The following YAF2 variants were observed in gnomAD, a reference collection of about 807,000 sequenced individuals.
The protein encoded by YAF2 is YY1 associated factor 2, also known as YY1-associated factor 2.
Under a neutral mutation model 20.1 loss-of-function variants are expected in YAF2, and 7 were observed. The observed-to-expected ratio is 0.35, with a 90% CI of 0.20 to 0.65. YAF2 has a LOEUF of 0.65. Ranked by LOEUF, YAF2 falls within the 30% of genes least tolerant of loss-of-function variation. The pLI is 0.69. For synonymous variants in YAF2, 74 were observed against 76.0 expected, an observed-to-expected ratio of 0.97 and a Z score of 0.14; for missense variants, 151 against 219.2, an observed-to-expected ratio of 0.69 and a Z score of 1.96.
intron 2 of YAF2, among the ~76,000 whole-genome samples, chr12:42,170,978 AG>A (rs1208169418): frequency 6.6e-6 from 1 of 152,102 alleles, no homozygotes; most frequent in African/African-American, 2.4e-5. Context: ...GTAAGTGGTC[AG>A]GAATTGTTTA....
In YAF2 at chr12:42,161,644, T is replaced by G. The variant is rs373217285; in HGVS notation, c.274A>C (p.Thr92Pro). 6.2e-7 allele frequency: 1 copy of G among 1,601,352 alleles called. No individual in the cohort carries two copies. Among genetic ancestry groups the G allele is most frequent in the Non-Finnish European group, 8.5e-7 (1 of 1,175,078 alleles). ...VEKEKSEKETTSKKNSHKKTR... is the reference protein window; with the variant it reads ...VEKEKSEKETPSKKNSHKKTR... ...TTCTTATGGCTATTCTTTTTGCTAGTTGTTTCCTTTTCACTTTTTTCTTTT... is the reference window on the plus strand; with the variant it reads ...TTCTTATGGCTATTCTTTTTGCTAGGTGTTTCCTTTTCACTTTTTTCTTTT... Residue 92 changes from threonine to proline, a missense_variant, in exon 3 of 4, where the codon ACT becomes CCT. Transcript: ENST00000534854.
intron 2 of YAF2, among the ~76,000 whole-genome samples, chr12:42,196,022 G>A (rs1195527269): frequency 6.6e-6 from 1 of 151,856 alleles, no homozygotes; most frequent in Non-Finnish European, 1.5e-5. Context: ...AGGAGTTGGA[G>A]ACCAGCCTGG....
chr12:42,159,446 G>C lies in YAF2; in HGVS notation c.*1143C>G, dbSNP rs1418261726. 6.6e-6 allele frequency: 1 copy of C among 152,054 alleles called. No homozygotes were observed. Among genetic ancestry groups the C allele is most frequent in the African/African-American group, 2.4e-5 (1 of 41,440 alleles). 9.4% of individuals were successfully genotyped at this position (152,054 alleles called of 1,614,324 possible). A position where few individuals can be genotyped will look rare whatever the true frequency, so the allele number is the denominator to read the frequency against. ...TGTAAACAAAAATGCAAAATCTGTAGTCATAAAAATATTTTATTGGTAATT... is the reference window on the plus strand; with the variant it reads ...TGTAAACAAAAATGCAAAATCTGTACTCATAAAAATATTTTATTGGTAATT... On this transcript the variant is annotated 3_prime_UTR_variant, in exon 4 of 4. Coordinates refer to ENST00000534854, the MANE Select transcript of YAF2 (RefSeq NM_005748.6).
At chr12:42,226,374 C>A (rs1179985206) in intron 2 of YAF2, among the ~76,000 whole-genome samples, 1 of 152,142 alleles carries the variant, frequency 6.6e-6, no homozygotes, top group Non-Finnish European at 1.5e-5. Flanking sequence ...TGAAATAATG[C>A]TAAAACATCT....
At chr12:42,232,455 A>G in intron 2 of YAF2, 1 of 985,442 alleles carries the variant, frequency 1.0e-6, no homozygotes, top group South Asian at 4.7e-5. Flanking sequence ...ATCACTTGTA[A>G]AATTTACCCA....
At chr12:42,233,979 T>C in intron 2 of YAF2, 1 of 895,478 alleles carries the variant, frequency 1.1e-6, no homozygotes, top group Non-Finnish European at 1.3e-6. Context: ...GAGACCAGCC[T>C]GGCCAGCATA....
At chr12:42,162,893 T>C (rs751961241) in intron 2 of YAF2, among the ~76,000 whole-genome samples, 5 of 152,088 alleles carry the variant, frequency 3.3e-5, no homozygotes, top group South Asian at 2.1e-4. Context: ...ACTTAAAAAA[T>C]AGGACTGACA....
At chr12:42,168,005 AC>A (rs2065954670) in intron 2 of YAF2, among the ~76,000 whole-genome samples, 1 of 152,178 alleles carries the variant, frequency 6.6e-6, no homozygotes, top group South Asian at 2.1e-4. Context: ...AAATGTATAT[AC>A]TGTAAGTTAT....
chr12:42,165,622 C>G (rs912778249), intron 2 of YAF2, among the ~76,000 whole-genome samples: 1 of 151,724 alleles, frequency 6.6e-6, no homozygotes, highest in Non-Finnish European at 1.5e-5. Flanking sequence ...TGCCACCATG[C>G]CCGGCTAATT....
Position 42,237,723 on chromosome 12 carries a change from G to A in YAF2, c.28C>T (p.Pro10Ser). Residue 10 changes from proline to serine, a missense_variant and splice_region_variant, in exon 2 of 4, where the codon CCG becomes TCG. Physicochemically the swap from Pro to Ser is moderately conservative, Grantham distance 74 (BLOSUM62 -1). Coordinates refer to ENST00000534854, the MANE Select transcript of YAF2 (RefSeq NM_005748.6). ...GAGGACGGCTTCGGCTGCCGCTTCGGCCTGCAGGACACAACCCGGACACGA... is the reference window on the plus strand; with the variant it reads ...GAGGACGGCTTCGGCTGCCGCTTCGACCTGCAGGACACAACCCGGACACGA... MGDKKSPTR[P>S]KRQPKPSSDE... 1 of 1,561,820 alleles carries A rather than the reference G, an allele frequency of 6.4e-7. No individual in the cohort carries two copies. Among genetic ancestry groups the A allele is most frequent in the Non-Finnish European group, 8.6e-7 (1 of 1,156,188 alleles).
At chr12:42,211,427 C>CAAAA (rs34683165) in intron 2 of YAF2, among the ~76,000 whole-genome samples, 4 of 51,642 alleles carry the variant, frequency 7.7e-5, no homozygotes, top group Non-Finnish European at 1.0e-4. Flanking sequence ...ACTCTGTCTC[C>CAAAA]AAAAAAAAAA....
At chr12:42,232,349 A>G in intron 2 of YAF2, 1 of 810,024 alleles carries the variant, frequency 1.2e-6, no homozygotes, top group Non-Finnish European at 1.5e-6. Flanking sequence ...TGAACCTCAT[A>G]GAAAGCTTCA....
At chr12:42,217,302 A>C (rs1231617005) in intron 2 of YAF2, among the ~76,000 whole-genome samples, 3 of 152,162 alleles carry the variant, frequency 2.0e-5, no homozygotes, top group Non-Finnish European at 4.4e-5. Flanking sequence ...TTTAGTTCCC[A>C]TACAGTTTAC....
intron 2 of YAF2, among the ~76,000 whole-genome samples, chr12:42,205,276 G>A (rs925551745): frequency 1.3e-4 from 19 of 151,480 alleles, no homozygotes; most frequent in African/African-American, 4.1e-4. Flanking sequence ...TTTTAAATTT[G>A]ACTATCAGTC....
chr12:42,204,377 G>A (rs2066982218), intron 2 of YAF2, among the ~76,000 whole-genome samples: 1 of 152,122 alleles, frequency 6.6e-6, no homozygotes, highest in South Asian at 2.1e-4. Context: ...AAAATATGTG[G>A]GGGGAAAAGT....
At chr12:42,234,827 A>G (rs1225491680) in intron 2 of YAF2, 1 of 750,856 alleles carries the variant, frequency 1.3e-6, no homozygotes, top group Non-Finnish European at 1.6e-6. Context: ...ATCTCTACAA[A>G]AAATAAGAAA....
rs1473170614 is a variant in YAF2, at chr12:42,181,011, T to C, written c.153-19246A>G. Reference sequence around the variant, plus strand: ...ACTACAGAAAATCTGGTGCCCATAATGGGAGGATGGCTTCTTTGATACACC... The same window carrying C: ...ACTACAGAAAATCTGGTGCCCATAACGGGAGGATGGCTTCTTTGATACACC... On this transcript the variant is annotated intron_variant, in intron 2 of 3. Coordinates refer to ENST00000534854, the MANE Select transcript of YAF2 (RefSeq NM_005748.6). Among the ~76,000 whole-genome samples, 6 of 152,276 alleles carry C rather than the reference T, an allele frequency of 3.9e-5. No individual in the cohort carries two copies. In the East Asian group the frequency reaches 1.2e-3, roughly 29 times the overall value.
rs1565664124 is a variant in YAF2, at chr12:42,232,647, T to C, written c.152+4952A>G. On this transcript the variant is annotated intron_variant, in intron 2 of 3. Coordinates refer to ENST00000534854, the MANE Select transcript of YAF2 (RefSeq NM_005748.6). ...ACTTATGTAGATGGTCCTCAATTTTTTTCTCCCATTCCTACACCAAAAGTC... is the reference window on the plus strand; with the variant it reads ...ACTTATGTAGATGGTCCTCAATTTTCTTCTCCCATTCCTACACCAAAAGTC... 6.1e-6 allele frequency: 6 copies of C among 985,292 alleles called. No individual in the cohort carries two copies. The African/African-American group carries it at 7.0e-5, about 11-fold the overall frequency. The allele number at this position is 985,292 out of a possible 1,614,324, so 61.0% of individuals were successfully genotyped here.
At chr12:42,224,748 T>A (rs2067636643) in intron 2 of YAF2, among the ~76,000 whole-genome samples, 1 of 152,196 alleles carries the variant, frequency 6.6e-6, no homozygotes, top group African/African-American at 2.4e-5. Flanking sequence ...GGTGTATATG[T>A]GCCACATTTT....
Sources: gnomAD v4.1 joint callset for allele counts (sites outside exome capture counted in the v4.1 genomes callset) on GRCh38, gnomAD v4.1.1 for gene constraint, MANE v1.5 for transcripts, NCBI Gene and HGNC (gene_info 2026-07-23, HGNC 2026-07-21) for gene names.